Variants in IFNLR1 observed in about 807,000 individuals in gnomAD.
The protein encoded by IFNLR1 is interferon lambda receptor 1, also known as CRF2-12.
Under a neutral mutation model 52.5 loss-of-function variants are expected in IFNLR1, and 28 were observed. The observed-to-expected ratio is 0.53, with a 90% confidence interval of 0.40 to 0.73. The LOEUF is 0.73. Among genes scored for constraint, IFNLR1 ranks in the 30% least tolerant of loss-of-function variants. IFNLR1 has a pLI of 0.00. For missense variants in IFNLR1, 623 were observed against 659.1 expected (o/e 0.95, Z 0.60); for synonymous variants, 276 against 274.9 (o/e 1.00, Z -0.04).
At position 24,180,846 on chromosome 1, in the gene IFNLR1, G is replaced by A. The variant is rs757567856; in HGVS notation, c.67C>T (p.Arg23Cys). 13 of 1,613,390 alleles carry A rather than the reference G, an allele frequency of 8.1e-6. No homozygotes were observed. Among genetic ancestry groups the A allele is most frequent in the South Asian group, 1.1e-5 (1 of 91,046 alleles). ...CLLQAAPGRP[R>C]LAPPQNVTLL... ...GTCACATTCTGGGGAGGGGCCAGAC[G>A]GGGCCTCCCTGGGGGAAAGAAAGGG... The change falls in exon 2 of 7, where the codon CGT becomes TGT. Residue 23 changes from arginine to cysteine, a missense_variant. Transcript: ENST00000327535.
chr1:24,161,395 A>C, intron 4 of IFNLR1, 147 bp downstream of exon 4: 1 of 847,676 alleles, frequency 1.2e-6, no homozygotes. Context: ...ATCAGATTTT[A>C]TTAGGGCTGA....
chr1:24,186,863 G>C (rs923700650), intron 1 of IFNLR1, among the ~76,000 whole-genome samples: 1 of 152,146 alleles, frequency 6.6e-6, no homozygotes, highest in Non-Finnish European at 1.5e-5. Flanking sequence ...TTTCACGCAG[G>C]GATCAGTGCT....
intron 6 of IFNLR1, among the ~76,000 whole-genome samples, chr1:24,158,566 CCT>C (rs1025666533): frequency 2.0e-5 from 3 of 152,204 alleles, no homozygotes; most frequent in African/African-American, 7.2e-5. Flanking sequence ...ACAGGGCCGA[CCT>C]ATATCACCTC....
chr1:24,168,989 C>T (rs1557647569), intron 3 of IFNLR1, among the ~76,000 whole-genome samples: 1 of 152,212 alleles, frequency 6.6e-6, no homozygotes, highest in Non-Finnish European at 1.5e-5. Flanking sequence ...GGTGATCCAC[C>T]TGCCTTGGCC....
chr1:24,183,843 CCTCAGCCT>C (rs1371098025), intron 1 of IFNLR1, among the ~76,000 whole-genome samples: 1 of 152,214 alleles, frequency 6.6e-6, no homozygotes, highest in Non-Finnish European at 1.5e-5. Context: ...GATTCTCCTG[CCTCAGCCT>C]CCAGAGTAGC....
In IFNLR1 at chr1:24,161,522, G is replaced by T. The variant is rs981982993; in HGVS notation, c.510+20C>A. On this transcript the variant is annotated intron_variant, in intron 4 of 6. Coordinates refer to ENST00000327535, the MANE Select transcript of IFNLR1 (RefSeq NM_170743.4). ...GTGGAGGAGCGGGCCTAGCCTGGGG[G>T]CAGGAAAGGAGCTTCCCACCTTGTT... The T allele has an allele frequency of 6.4e-7, 1 of 1,553,820 alleles. No individual in the cohort carries two copies. Among genetic ancestry groups the T allele is most frequent in the Admixed American group, 2.0e-5 (1 of 50,978 alleles).
chr1:24,175,353 G>A (rs1644621409), intron 2 of IFNLR1, among the ~76,000 whole-genome samples: 1 of 152,276 alleles, frequency 6.6e-6, no homozygotes. Flanking sequence ...CTGAGCCAAA[G>A]AGGGCTATTC....
chr1:24,182,812 C>T (rs1005841610), intron 1 of IFNLR1, among the ~76,000 whole-genome samples: 8 of 151,914 alleles, frequency 5.3e-5, no homozygotes, highest in Non-Finnish European at 1.2e-4. Flanking sequence ...CCCAGCTACT[C>T]AGGAGGCTGA....
In IFNLR1 at chr1:24,166,698, C is replaced by A. The variant is rs116390915; in HGVS notation, c.367+2719G>T. ...GATAGCTGGGACCACAGGTGCCCACCACCGTACCCAGCGAATTTAATTTTT... is the reference window on the plus strand; with the variant it reads ...GATAGCTGGGACCACAGGTGCCCACAACCGTACCCAGCGAATTTAATTTTT... On this transcript the variant is annotated intron_variant, in intron 3 of 6. Transcript: ENST00000327535. 9.2e-3 allele frequency among the ~76,000 whole-genome samples: 1,397 copies of A among 151,808 alleles called. 16 individuals carry two copies. Among genetic ancestry groups the A allele is most frequent in the Middle Eastern group, 0.027 (8 of 294 alleles).
At chr1:24,183,785 A>G (rs550738295) in intron 1 of IFNLR1, among the ~76,000 whole-genome samples, 60 of 152,192 alleles carry the variant, frequency 3.9e-4, no homozygotes, top group Non-Finnish European at 6.8e-4. Flanking sequence ...GCTGGAGTAC[A>G]GTGGCACAAT....
chr1:24,184,837 G>T (rs1276917093), intron 1 of IFNLR1, among the ~76,000 whole-genome samples: 1 of 152,104 alleles, frequency 6.6e-6, no homozygotes, highest in Admixed American at 6.6e-5. Context: ...TGGCCAACAT[G>T]GTGAAACCAC....
intron 3 of IFNLR1, among the ~76,000 whole-genome samples, chr1:24,166,650 C>T (rs1644523021): frequency 2.0e-5 from 3 of 152,100 alleles, no homozygotes; most frequent in African/African-American, 4.8e-5. Flanking sequence ...GGGCTCAAGT[C>T]ATCCTCCTAC....
Position 24,156,977 on chromosome 1 carries a change from G to A in IFNLR1, c.*153C>T, listed in dbSNP as rs891724354. On this transcript the variant is annotated 3_prime_UTR_variant, in exon 7 of 7. Coordinates refer to ENST00000327535, the MANE Select transcript of IFNLR1 (RefSeq NM_170743.4). ...GGAGGGGCATCTTGTTGCTCAGCCC[G>A]ACAGGCAAACAGCCGCTAGGTGGAC... is the stretch of plus-strand genomic sequence containing the variant. 11 of 809,910 alleles carry A rather than the reference G, an allele frequency of 1.4e-5. No homozygotes were observed. Among genetic ancestry groups the A allele is most frequent in the African/African-American group, 3.4e-5 (2 of 58,056 alleles). 50.2% of individuals were successfully genotyped at this position (809,910 alleles called of 1,614,324 possible).
At chr1:24,161,448 G>C (rs1352061443) in intron 4 of IFNLR1, 94 bp downstream of exon 4, 1 of 1,397,312 alleles carries the variant, frequency 7.2e-7, no homozygotes, top group African/African-American at 1.4e-5. Flanking sequence ...TCCTGGAGGA[G>C]GGGTGCAGGA....
rs528275912 is a variant in IFNLR1 at position 24,156,912 on chromosome 1, C to A, written c.*218G>T. 8.0e-4 allele frequency: 466 copies of A among 582,712 alleles called. 2 individuals are homozygous for A. Among genetic ancestry groups the A allele is most frequent in the Non-Finnish European group, 1.1e-4 (36 of 332,038 alleles). The allele number at this position is 582,712 out of a possible 1,614,324, so 36.1% of individuals were successfully genotyped here. A position where few individuals can be genotyped will look rare whatever the true frequency, so the allele number is the denominator to read the frequency against. Reference sequence around the variant, plus strand: ...TGACCTCAGCCCACCCTGTGTCCACCCCTCTTATAGCTCAGCCTAAAGAGG... The same window carrying A: ...TGACCTCAGCCCACCCTGTGTCCACACCTCTTATAGCTCAGCCTAAAGAGG... On this transcript the variant is annotated 3_prime_UTR_variant, in exon 7 of 7. Coordinates refer to ENST00000327535, the MANE Select transcript of IFNLR1 (RefSeq NM_170743.4).
intron 3 of IFNLR1, among the ~76,000 whole-genome samples, chr1:24,165,596 A>G (rs1644511119): frequency 6.6e-6 from 1 of 152,242 alleles, no homozygotes; most frequent in South Asian, 2.1e-4. Flanking sequence ...TGGCAGCCAG[A>G]GAAAACTAAA....
At chr1:24,185,462 G>A (rs1644728363) in intron 1 of IFNLR1, among the ~76,000 whole-genome samples, 1 of 152,256 alleles carries the variant, frequency 6.6e-6, no homozygotes, top group Admixed American at 6.5e-5. Context: ...AGTGTCCCAT[G>A]TGCCATGATG....
chr1:24,186,966 C>T (rs1644745159), intron 1 of IFNLR1, among the ~76,000 whole-genome samples: 1 of 152,360 alleles, frequency 6.6e-6, no homozygotes. Context: ...AAGCTGGAAG[C>T]ATTAGGAAAC....
chr1:24,168,805 G>A (rs1229095430), intron 3 of IFNLR1, among the ~76,000 whole-genome samples: 5 of 152,050 alleles, frequency 3.3e-5, no homozygotes, highest in African/African-American at 1.2e-4. Context: ...GTGCAGGGGC[G>A]TGATCTTGGC....
Sources: allele counts gnomAD v4.1 joint callset (sites outside exome capture counted in the v4.1 genomes callset), GRCh38; gene constraint gnomAD v4.1.1; transcripts MANE v1.5; gene names NCBI Gene and HGNC (gene_info 2026-07-23, HGNC 2026-07-21).